OPCML: variants seen among roughly 807,000 people sequenced by gnomAD.
OPCML encodes opioid binding protein/cell adhesion molecule like.
Under a neutral mutation model 37.8 loss-of-function variants are expected in OPCML, and 13 were observed. The observed-to-expected ratio is 0.34, with a 90% confidence interval of 0.22 to 0.55. OPCML has a LOEUF of 0.55. OPCML is among the 20% of genes least tolerant of loss of function. The pLI, the probability that OPCML is intolerant of heterozygous loss-of-function variation, is 0.91. For synonymous variants in OPCML, 176 were observed against 168.8 expected, an observed-to-expected ratio of 1.04 and a Z score of -0.33; for missense variants, 341 against 435.6, an observed-to-expected ratio of 0.78 and a Z score of 1.93.
rs150421445 is a variant in OPCML at position 133,426,260 on chromosome 11, C to T, written c.61+106004G>A. On this transcript the variant is annotated intron_variant, in intron 1 of 7. Transcript: ENST00000524381. ...TAAAATACAGTGCTGACTGAATATACCCATCTTTTTGGAAACATTTCAGTA... is the reference window on the plus strand; with the variant it reads ...TAAAATACAGTGCTGACTGAATATATCCATCTTTTTGGAAACATTTCAGTA... 3.6e-4 allele frequency among the ~76,000 whole-genome samples: 55 copies of T among 152,262 alleles called. 1 individual carries two copies. In the East Asian group the frequency reaches 0.01, roughly 28 times the overall value.
intron 2 of OPCML, among the ~76,000 whole-genome samples, chr11:132,819,274 A>C (rs2136243354): frequency 6.6e-6 from 1 of 152,214 alleles, no homozygotes; most frequent in African/African-American, 2.4e-5. Context: ...ACAGGGGAAA[A>C]GATATTGAAG....
intron 1 of OPCML, among the ~76,000 whole-genome samples, chr11:133,257,798 A>C (rs1941362832): frequency 6.6e-6 from 1 of 151,704 alleles, no homozygotes; most frequent in Admixed American, 6.6e-5. Context: ...CATCTAGTCT[A>C]TGCCAGATGC....
intron 2 of OPCML, among the ~76,000 whole-genome samples, chr11:132,933,570 A>ATG (rs145923017): frequency 0.18 from 27,839 of 151,816 alleles, 2,760 homozygotes; most frequent in South Asian, 0.24. Flanking sequence ...GAAAAGGGAG[A>ATG]TGTGTGTGTG....
chr11:133,306,206 T>C (rs1208510982), intron 1 of OPCML, among the ~76,000 whole-genome samples: 3 of 152,178 alleles, frequency 2.0e-5, no homozygotes, highest in African/African-American at 4.8e-5. Flanking sequence ...CAGCTCCGTG[T>C]TTCTGTTTTC....
At chr11:132,548,970 T>C (rs2096375194) in intron 3 of OPCML, among the ~76,000 whole-genome samples, 1 of 152,182 alleles carries the variant, frequency 6.6e-6, no homozygotes, top group Non-Finnish European at 1.5e-5. Context: ...CACCCAGGAT[T>C]GTCAGAAGAT....
intron 1 of OPCML, among the ~76,000 whole-genome samples, chr11:133,146,896 C>T (rs1250271156): frequency 1.3e-5 from 2 of 152,246 alleles, no homozygotes; most frequent in African/African-American, 4.8e-5. Flanking sequence ...GATTACACTT[C>T]TAAAAAGAGC....
At chr11:133,028,486 T>C (rs1295256335) in intron 1 of OPCML, among the ~76,000 whole-genome samples, 1 of 151,696 alleles carries the variant, frequency 6.6e-6, no homozygotes, top group African/African-American at 2.4e-5. Flanking sequence ...ATCAAAAGTT[T>C]ATTACATGCA....
chr11:132,552,540 G>A (rs61906368), intron 3 of OPCML, among the ~76,000 whole-genome samples: 12,528 of 152,078 alleles, frequency 0.082, 864 homozygotes, highest in African/African-American at 0.19. Context: ...AACAAATAAT[G>A]CCATCACCCA....
rs1236701874 is a variant in OPCML at position 132,545,827 on chromosome 11, AT to A, written c.380-16642del. 2.6e-5 allele frequency among the ~76,000 whole-genome samples: 4 copies of A among 152,356 alleles called. No individual in the cohort carries two copies. In the East Asian group the frequency reaches 5.8e-4, roughly 22 times the overall value. On this transcript the variant is annotated intron_variant, in intron 3 of 7. Coordinates refer to ENST00000524381, the MANE Select transcript of OPCML (RefSeq NM_001012393.5). ...TCATAGTTTATCTAACTAGTGCCCT[AT>A]CCACAGAATGTGAGTTGATTTCAAT...
intron 1 of OPCML, among the ~76,000 whole-genome samples, chr11:133,018,745 C>G (rs993077213): frequency 6.6e-6 from 1 of 152,232 alleles, no homozygotes; most frequent in Non-Finnish European, 1.5e-5. Context: ...CAAGAATGTG[C>G]CGGGGCACAC....
intron 1 of OPCML, among the ~76,000 whole-genome samples, chr11:133,130,543 C>T (rs76786060): frequency 0.013 from 1,907 of 152,090 alleles, 44 homozygotes; most frequent in African/African-American, 0.044. Flanking sequence ...ATTTCGTGTT[C>T]ATAGATAGAA....
At position 132,667,157 on chromosome 11, in the gene OPCML, G is replaced by A. The variant is rs532025356; in HGVS notation, c.147-9838C>T. Among the ~76,000 whole-genome samples the A allele has an allele frequency of 6.0e-4, 91 of 152,288 alleles. 2 individuals carry two copies. The highest frequency in any genetic ancestry group is 1.7e-3 in the Admixed American group (26 of 15,284). On this transcript the variant is annotated intron_variant, in intron 2 of 7. Transcript: ENST00000524381. ...AAAGACACAGAGGTAGAGGCAATTA[G>A]GTTCTTCAAAGGGTTTTTGTTTTGC... is the stretch of plus-strand genomic sequence containing the variant.
intron 4 of OPCML, among the ~76,000 whole-genome samples, chr11:132,516,765 A>G (rs1489616253): frequency 6.6e-6 from 1 of 152,188 alleles, no homozygotes; most frequent in African/African-American, 2.4e-5. Flanking sequence ...TTCTCATGGT[A>G]GGCATGCGTG....
chr11:133,423,329 G>A, intron 1 of OPCML: 2 of 985,370 alleles, frequency 2.0e-6, no homozygotes, highest in Non-Finnish European at 2.4e-6. Flanking sequence ...CTGACAATGG[G>A]CATCTGTTGG....
chr11:132,960,046 C>G (rs1316881530), intron 1 of OPCML, among the ~76,000 whole-genome samples: 1 of 152,088 alleles, frequency 6.6e-6, no homozygotes, highest in Non-Finnish European at 1.5e-5. Flanking sequence ...TGACCTTGAC[C>G]ACAAAGATTG....
chr11:133,137,852 C>T (rs527709785), intron 1 of OPCML, among the ~76,000 whole-genome samples: 6 of 152,276 alleles, frequency 3.9e-5, no homozygotes, highest in African/African-American at 1.4e-4. Flanking sequence ...CAGGAAAAAT[C>T]GACATCCAGT....
Position 132,430,832 on chromosome 11 carries a change from A to C in OPCML, c.916+5254T>G, listed in dbSNP as rs182083858. On this transcript the variant is annotated intron_variant, in intron 7 of 7. Transcript: ENST00000524381. ...AGTCATCCAGGCGTTTACATGCCTCATTAAGCACGTCGCACTCTCTGCAGT... is the reference window on the plus strand; with the variant it reads ...AGTCATCCAGGCGTTTACATGCCTCCTTAAGCACGTCGCACTCTCTGCAGT... 5.5e-4 allele frequency among the ~76,000 whole-genome samples: 83 copies of C among 152,208 alleles called. No homozygotes were observed. The South Asian group carries it at 5.6e-3, about 10-fold the overall frequency.
At chr11:133,169,211 G>T (rs1950255376) in intron 1 of OPCML, among the ~76,000 whole-genome samples, 2 of 152,176 alleles carry the variant, frequency 1.3e-5, no homozygotes, top group African/African-American at 2.4e-5. Flanking sequence ...GGCACAGAGA[G>T]ATCAAGCAAC....
intron 2 of OPCML, among the ~76,000 whole-genome samples, chr11:132,726,613 G>T (rs1944894644): frequency 6.6e-6 from 1 of 151,820 alleles, no homozygotes; most frequent in Non-Finnish European, 1.5e-5. Context: ...AAGAAATATT[G>T]AACTGATTCC....
Sources: gnomAD v4.1 joint callset for allele counts (sites outside exome capture counted in the v4.1 genomes callset) on GRCh38, gnomAD v4.1.1 for gene constraint, MANE v1.5 for transcripts, NCBI Gene and HGNC (gene_info 2026-07-23, HGNC 2026-07-21) for gene names.